Variants in MOB1A observed in about 807,000 individuals in gnomAD.
MOB1A encodes MOB1 Mps One Binder homolog A.
MOB1A carries 10 observed loss-of-function variants against 25.1 expected under a neutral mutation model. That is an observed-to-expected ratio of 0.40 (90% CI 0.25 to 0.68). The LOEUF is 0.68. MOB1A is among the 30% of genes least tolerant of loss of function. The probability of loss-of-function intolerance (pLI) is 0.40; values close to 1 mark genes in which losing one functional copy is unlikely to be tolerated. For missense variants in MOB1A, 177 were observed against 256.3 expected (o/e 0.69, Z 2.11); for synonymous variants, 81 against 79.5 (o/e 1.02, Z -0.10).
Position 74,159,203 on chromosome 2 carries a change from C to G in MOB1A, c.461G>C (p.Arg154Pro). The change falls in exon 5 of 6, where the codon CGT becomes CCT. Residue 154 changes from arginine to proline, a missense_variant. Arg to Pro is a moderately radical substitution (Grantham distance 103). Coordinates refer to ENST00000396049, the MANE Select transcript of MOB1A (RefSeq NM_018221.5). ...AATATGGGCATAAACCCTGAACAGACGCTTTAGAATAGTCTTTGCCACAGA... is the reference window on the plus strand; with the variant it reads ...AATATGGGCATAAACCCTGAACAGAGGCTTTAGAATAGTCTTTGCCACAGA... ...FMSVAKTILK[R>P]LFRVYAHIYH... 1 of 1,613,948 alleles carries G rather than the reference C, an allele frequency of 6.2e-7. No individual in the cohort carries two copies. Among genetic ancestry groups the G allele is most frequent in the African/African-American group, 1.3e-5 (1 of 75,036 alleles).
chr2:74,157,797 T>TTA (rs1333835975), intron 5 of MOB1A, among the ~76,000 whole-genome samples: 5 of 152,124 alleles, frequency 3.3e-5, no homozygotes, highest in Admixed American at 1.3e-4. Context: ...ATGGGAGACT[T>TTA]ATTAAAGAAC....
rs919630217 is a variant in MOB1A at position 74,173,380 on chromosome 2, T to G, written c.15-628A>C. Among the ~76,000 whole-genome samples the G allele has an allele frequency of 1.6e-4, 16 of 99,566 alleles. No homozygotes were observed. The South Asian group carries it at 1.6e-3, about 10-fold the overall frequency. The allele number at this position is 99,566 out of a possible 152,430, so 65.3% of individuals were successfully genotyped here. A position where few individuals can be genotyped will look rare whatever the true frequency, so the allele number is the denominator to read the frequency against. On this transcript the variant is annotated intron_variant, in intron 1 of 5. Transcript: ENST00000396049. ...CTTCTTTTGGCCTCAATTTCGGTTT[T>G]TTTTTTTTTTTTTTTTTTGAGATGT...
chr2:74,154,798 T>C lies in MOB1A; in HGVS notation c.*1770A>G, dbSNP rs759869482. ...TACAGAATGGCTGACATTTGGACCT[T>C]TGGATAAGCTTAAAACATGGATTGT... On this transcript the variant is annotated 3_prime_UTR_variant, in exon 6 of 6. Transcript: ENST00000396049. 2.6e-5 allele frequency: 4 copies of C among 152,206 alleles called. No individual in the cohort carries two copies. The highest frequency in any genetic ancestry group is 2.1e-4 in the South Asian group (1 of 4,826). 9.4% of individuals were successfully genotyped at this position (152,206 alleles called of 1,614,324 possible).
chr2:74,172,826 G>A, intron 1 of MOB1A, 74 bp from the exon 2 acceptor site: 1 of 1,413,346 alleles, frequency 7.1e-7, no homozygotes, highest in Non-Finnish European at 9.8e-7. Context: ...ATAATTTTAG[G>A]TATATAAAGT....
chr2:74,165,863 T>C (rs1290011508), intron 3 of MOB1A, among the ~76,000 whole-genome samples: 3 of 152,212 alleles, frequency 2.0e-5, no homozygotes, highest in Admixed American at 1.3e-4. Flanking sequence ...GTGTAAAGCA[T>C]TTGAGCCATA....
At chr2:74,162,701 C>T (rs980922985) in intron 4 of MOB1A, among the ~76,000 whole-genome samples, 5 of 152,024 alleles carry the variant, frequency 3.3e-5, no homozygotes, top group African/African-American at 1.2e-4. Context: ...CAACAACAAA[C>T]AGACCAAATG....
intron 3 of MOB1A, among the ~76,000 whole-genome samples, chr2:74,166,073 CATCT>C (rs1693121367): frequency 2.0e-5 from 3 of 151,406 alleles, no homozygotes; most frequent in South Asian, 2.1e-4. Context: ...ATCTTGATAA[CATCT>C]ATCATCACAT....
intron 5 of MOB1A, 42 bp downstream of exon 5, chr2:74,159,049 G>T (rs1256312869): frequency 6.2e-7 from 1 of 1,602,156 alleles, no homozygotes; most frequent in Admixed American, 1.7e-5. Context: ...ATCCAAATAA[G>T]TCCAAGTCAC....
rs1692722578 is a variant in MOB1A, at chr2:74,153,756, G to C, written c.*2812C>G. On this transcript the variant is annotated 3_prime_UTR_variant, in exon 6 of 6. Transcript: ENST00000396049. ...ACTGTAATCATGTATGAAGAGCAGA[G>C]ATCAGACACTGAGAGGAGATGGCTT... 6.6e-6 allele frequency: 1 copy of C among 152,236 alleles called. No homozygotes were observed. The highest frequency in any genetic ancestry group is 2.1e-4 in the South Asian group (1 of 4,832). The allele number at this position is 152,236 out of a possible 1,614,324, so 9.4% of individuals were successfully genotyped here. A position where few individuals can be genotyped will look rare whatever the true frequency, so the allele number is the denominator to read the frequency against.
At chr2:74,173,020 C>T (rs1218412226) in intron 1 of MOB1A, among the ~76,000 whole-genome samples, 1 of 152,092 alleles carries the variant, frequency 6.6e-6, no homozygotes, top group East Asian at 1.9e-4. Flanking sequence ...CCTGTAGTCC[C>T]AGCTACTTGG....
chr2:74,158,195 G>A (rs866856384), intron 5 of MOB1A, among the ~76,000 whole-genome samples: 18 of 87,404 alleles, frequency 2.1e-4, no homozygotes, highest in Admixed American at 4.8e-4. Flanking sequence ...AAAAAAAAAA[G>A]AGGGGGGAAA....
chr2:74,176,690 G>A (rs1315044522), intron 1 of MOB1A, among the ~76,000 whole-genome samples: 2 of 151,736 alleles, frequency 1.3e-5, no homozygotes, highest in East Asian at 3.9e-4. Flanking sequence ...CGTGAACCCG[G>A]GAGGCGGAGC....
At position 74,159,236 on chromosome 2, in the gene MOB1A, T is replaced by C. The variant is rs1692892003; in HGVS notation, c.428A>G (p.Asn143Ser). 1.2e-6 allele frequency: 2 copies of C among 1,612,618 alleles called. No individual in the cohort carries two copies. The highest frequency in any genetic ancestry group is 2.2e-5 in the South Asian group (2 of 90,890). Residue 143 changes from asparagine (N) to serine (S), a missense_variant, in exon 5 of 6, where the codon AAC (asparagine) becomes AGC (serine). Asn to Ser is a conservative substitution (Grantham distance 46, BLOSUM62 1). Transcript: ENST00000396049. Reference protein sequence around the residue: ...PSKIGVPFPKNFMSVAKTILK... With the variant: ...PSKIGVPFPKSFMSVAKTILK... ...AATAGTCTTTGCCACAGACATAAAG[T>C]TTTTGGGAAATGGGACACCTGCAAT...
At position 74,172,666 on chromosome 2, in the gene MOB1A, G is replaced by T. The variant is rs1458319631; in HGVS notation, c.101C>A (p.Ala34Glu). 1 of 1,613,826 alleles carries T rather than the reference G, an allele frequency of 6.2e-7. No individual in the cohort carries two copies. Among genetic ancestry groups the T allele is most frequent in the East Asian group, 2.2e-5 (1 of 44,866 alleles). The change falls in exon 2 of 6, where the codon GCA becomes GAA. Residue 34 changes from alanine (A) to glutamate (E), a missense_variant. Ala to Glu is a moderately radical substitution (Grantham distance 107, BLOSUM62 -1). Coordinates refer to ENST00000396049, the MANE Select transcript of MOB1A (RefSeq NM_018221.5). ...TCTCAGATTCCCACTTCCTAGAGTT[G>T]CTTCTGCATGTTTTAAGAGTTCATA... ...HQYELLKHAE[A>E]TLGSGNLRQA...
chr2:74,154,794 A>T lies in MOB1A; in HGVS notation c.*1774T>A, dbSNP rs1692757329. On this transcript the variant is annotated 3_prime_UTR_variant, in exon 6 of 6. Coordinates refer to ENST00000396049, the MANE Select transcript of MOB1A (RefSeq NM_018221.5). ...AACATACAGAATGGCTGACATTTGG[A>T]CCTTTGGATAAGCTTAAAACATGGA... 6.6e-6 allele frequency: 1 copy of T among 152,178 alleles called. No homozygotes were observed. Among genetic ancestry groups the T allele is most frequent in the South Asian group, 2.1e-4 (1 of 4,836 alleles). The allele number at this position is 152,178 out of a possible 1,614,324, so 9.4% of individuals were successfully genotyped here.
chr2:74,161,275 C>T (rs1692963089), intron 4 of MOB1A, among the ~76,000 whole-genome samples: 1 of 152,182 alleles, frequency 6.6e-6, no homozygotes, highest in East Asian at 1.9e-4. Context: ...TCCTCATTAA[C>T]GTGACTTTTC....
chr2:74,157,501 G>A (rs58479981), intron 5 of MOB1A, among the ~76,000 whole-genome samples: 19,616 of 152,124 alleles, frequency 0.13, 1,625 homozygotes, highest in East Asian at 0.38. Flanking sequence ...TGGGAACCCT[G>A]GTTTATAGTC....
At chr2:74,166,587 C>G (rs1693134567) in intron 3 of MOB1A, among the ~76,000 whole-genome samples, 1 of 152,148 alleles carries the variant, frequency 6.6e-6, no homozygotes, top group Non-Finnish European at 1.5e-5. Flanking sequence ...TTAATCCCAG[C>G]ACTTTGCGAG....
At chr2:74,162,481 C>G (rs6726891) in intron 4 of MOB1A, among the ~76,000 whole-genome samples, 21,377 of 151,586 alleles carry the variant, frequency 0.14, 1,797 homozygotes, top group East Asian at 0.38. Context: ...GACCCTGTCT[C>G]CAAACAAAAA....
Sources: gnomAD v4.1 joint callset for allele counts (sites outside exome capture counted in the v4.1 genomes callset) on GRCh38, gnomAD v4.1.1 for gene constraint, MANE v1.5 for transcripts, NCBI Gene and HGNC (gene_info 2026-07-23, HGNC 2026-07-21) for gene names.